Variants in TRPM3 observed in about 807,000 individuals in gnomAD.
TRPM3 encodes the protein transient receptor potential cation channel subfamily M member 3.
A neutral mutation model predicts 181.2 loss-of-function variants in TRPM3; 77 were observed. That is an observed-to-expected ratio of 0.42 (90% CI 0.35 to 0.51). The LOEUF is 0.51. TRPM3 is among the 20% of genes least tolerant of loss of function. TRPM3 has a pLI of 0.01. For missense variants in TRPM3, 1,759 were observed against 2,196.7 expected, an observed-to-expected ratio of 0.80 and a Z score of 3.98; for synonymous variants, 745 against 796.4, an observed-to-expected ratio of 0.94 and a Z score of 1.09.
chr9:71,169,752 C>T (rs573676782), intron 1 of TRPM3, among the ~76,000 whole-genome samples: 14 of 151,856 alleles, frequency 9.2e-5, no homozygotes, highest in South Asian at 4.2e-4. Flanking sequence ...GTAAGGAGTT[C>T]GAGACCAGCC....
chr9:70,742,340 G>A (rs987117860), intron 8 of TRPM3, among the ~76,000 whole-genome samples: 2 of 151,356 alleles, frequency 1.3e-5, no homozygotes, highest in African/African-American at 4.9e-5. Context: ...CATATTTATG[G>A]GATACATAAT....
intron 1 of TRPM3, among the ~76,000 whole-genome samples, chr9:70,878,732 C>A (rs1405905727): frequency 6.6e-6 from 1 of 151,982 alleles, no homozygotes; most frequent in Non-Finnish European, 1.5e-5. Context: ...GGGCCAACAC[C>A]AGTTTATGAA....
At chr9:70,739,548 A>G (rs2073531583) in intron 8 of TRPM3, among the ~76,000 whole-genome samples, 1 of 152,138 alleles carries the variant, frequency 6.6e-6, no homozygotes, top group Non-Finnish European at 1.5e-5. Context: ...AGTTGAAAGC[A>G]TTCCCCTGAG....
rs983321513 is a variant in TRPM3, at chr9:70,571,385, G to A, written c.3224-18075C>T. ...GATATGTGTAAAGGTTTTGCACAGCGCCTGCCACTCTGTAAATCCTGACCA... is the reference window on the plus strand; with the variant it reads ...GATATGTGTAAAGGTTTTGCACAGCACCTGCCACTCTGTAAATCCTGACCA... On this transcript the variant is annotated intron_variant, in intron 22 of 25. Transcript: ENST00000677713. Among the ~76,000 whole-genome samples, 5 of 152,188 alleles carry A rather than the reference G, an allele frequency of 3.3e-5. No homozygotes were observed. In the South Asian group the frequency reaches 1.0e-3, roughly 32 times the overall value.
chr9:70,802,959 G>A (rs1267833280), intron 6 of TRPM3, among the ~76,000 whole-genome samples: 1 of 147,792 alleles, frequency 6.8e-6, no homozygotes, highest in Non-Finnish European at 1.5e-5. Flanking sequence ...GGCCACTAGG[G>A]TGTCTATTCT....
chr9:70,566,733 G>A (rs768425362), intron 22 of TRPM3, among the ~76,000 whole-genome samples: 6 of 152,106 alleles, frequency 3.9e-5, no homozygotes, highest in Non-Finnish European at 7.4e-5. Flanking sequence ...AGATCTGAAG[G>A]CAGCTGAATG....
intron 1 of TRPM3, among the ~76,000 whole-genome samples, chr9:71,315,457 GAACTT>G (rs1322076419): frequency 1.3e-5 from 2 of 151,982 alleles, no homozygotes; most frequent in Admixed American, 6.6e-5. Context: ...CCCATGACAC[GAACTT>G]ATCTTTCTAC....
intron 1 of TRPM3, among the ~76,000 whole-genome samples, chr9:70,916,414 A>C (rs919596245): frequency 2.0e-5 from 3 of 152,234 alleles, no homozygotes; most frequent in African/African-American, 7.2e-5. Flanking sequence ...GAATCAATCA[A>C]AAATAATAAC....
At chr9:70,747,713 C>A (rs1332016627) in intron 8 of TRPM3, among the ~76,000 whole-genome samples, 1 of 151,860 alleles carries the variant, frequency 6.6e-6, no homozygotes, top group Non-Finnish European at 1.5e-5. Flanking sequence ...GAGACTGTAT[C>A]TGGTATGCAA....
intron 12 of TRPM3, among the ~76,000 whole-genome samples, chr9:70,633,075 G>A (rs539395819): frequency 2.8e-4 from 42 of 152,160 alleles, no homozygotes; most frequent in Non-Finnish European, 4.9e-4. Flanking sequence ...TGAATTGGAT[G>A]AGCGACTCTT....
intron 6 of TRPM3, among the ~76,000 whole-genome samples, chr9:70,800,271 T>A (rs889927214): frequency 1.3e-5 from 2 of 152,224 alleles, no homozygotes; most frequent in Admixed American, 1.3e-4. Context: ...TTTAATGTAA[T>A]GAAGTCCACT....
At chr9:71,197,887 T>C (rs2078496188) in intron 1 of TRPM3, among the ~76,000 whole-genome samples, 1 of 149,402 alleles carries the variant, frequency 6.7e-6, no homozygotes. Flanking sequence ...TAGATCCCAT[T>C]TGTCAATTTT....
At chr9:70,742,939 A>G (rs905963703) in intron 8 of TRPM3, among the ~76,000 whole-genome samples, 3 of 152,180 alleles carry the variant, frequency 2.0e-5, no homozygotes, top group Non-Finnish European at 4.4e-5. Flanking sequence ...CTTAGCCACC[A>G]CAATCAATCA....
chr9:70,778,612 A>C (rs999491878), intron 7 of TRPM3, among the ~76,000 whole-genome samples: 2 of 152,202 alleles, frequency 1.3e-5, no homozygotes, highest in African/African-American at 2.4e-5. Flanking sequence ...TTTAGAAAAG[A>C]GACAAGGTAA....
At chr9:70,972,433 G>C (rs760810280) in intron 1 of TRPM3, among the ~76,000 whole-genome samples, 12 of 152,152 alleles carry the variant, frequency 7.9e-5, no homozygotes, top group Non-Finnish European at 1.5e-4. Context: ...GGCAAATCTA[G>C]ATATAGAAAG....
At chr9:71,059,910 T>C (rs569090541) in intron 1 of TRPM3, among the ~76,000 whole-genome samples, 1 of 152,172 alleles carries the variant, frequency 6.6e-6, no homozygotes, top group South Asian at 2.1e-4. Context: ...CAGCCAAGAC[T>C]ACAAGGGGTC....
intron 1 of TRPM3, among the ~76,000 whole-genome samples, chr9:71,026,273 C>G (rs1044062745): frequency 4.4e-4 from 67 of 152,242 alleles, no homozygotes; most frequent in African/African-American, 1.6e-3. Flanking sequence ...CTGACCTGAG[C>G]GCCCCTCCAT....
intron 1 of TRPM3, among the ~76,000 whole-genome samples, chr9:70,894,559 T>A (rs986013310): frequency 2.0e-5 from 3 of 152,142 alleles, no homozygotes; most frequent in Non-Finnish European, 2.9e-5. Flanking sequence ...AGGCACTGCT[T>A]TAGGAACTTG....
At chr9:71,201,480 G>T (rs1004919677) in intron 1 of TRPM3, among the ~76,000 whole-genome samples, 12 of 152,144 alleles carry the variant, frequency 7.9e-5, no homozygotes, top group Non-Finnish European at 1.8e-4. Context: ...TTCCAACTTG[G>T]TTCCATTCTC....
Sources: gnomAD v4.1 joint callset for allele counts (sites outside exome capture counted in the v4.1 genomes callset) on GRCh38, gnomAD v4.1.1 for gene constraint, MANE v1.5 for transcripts, NCBI Gene and HGNC (gene_info 2026-07-23, HGNC 2026-07-21) for gene names.